Variants in AK5 observed in about 807,000 individuals in gnomAD.
The protein encoded by AK5 is adenylate kinase isoenzyme 5.
Under a neutral mutation model 69.5 loss-of-function variants are expected in AK5, and 27 were observed. The observed-to-expected ratio is 0.39, with a 90% CI of 0.29 to 0.54. AK5 has a LOEUF of 0.54. AK5 is among the 20% of genes least tolerant of loss of function. AK5 has a pLI of 0.71. For synonymous variants in AK5, 260 were observed against 244.4 expected, an observed-to-expected ratio of 1.06 and a Z score of -0.60; for missense variants, 531 against 700.4, an observed-to-expected ratio of 0.76 and a Z score of 2.73.
At chr1:77,424,719 G>A (rs1651082773) in intron 8 of AK5, among the ~76,000 whole-genome samples, 1 of 152,086 alleles carries the variant, frequency 6.6e-6, no homozygotes, top group South Asian at 2.1e-4. Flanking sequence ...TTTCAAGGCT[G>A]AAAAACAAAG....
intron 2 of AK5, among the ~76,000 whole-genome samples, chr1:77,288,584 G>A (rs562718083): frequency 3.1e-4 from 47 of 152,070 alleles, no homozygotes; most frequent in African/African-American, 9.4e-4. Flanking sequence ...GCAAAAGAAG[G>A]CAAACAGAAA....
At chr1:77,450,768 T>C (rs999719560) in intron 8 of AK5, among the ~76,000 whole-genome samples, 4 of 152,178 alleles carry the variant, frequency 2.6e-5, no homozygotes, top group Non-Finnish European at 4.4e-5. Context: ...GCAAGTTATA[T>C]AAACATATGC....
At chr1:77,470,858 TATATATATATATATA>T (rs1312727062) in intron 8 of AK5, among the ~76,000 whole-genome samples, 1,269 of 9,200 alleles carry the variant, frequency 0.14, 155 homozygotes, top group Middle Eastern at 0.2. Context: ...TATATATATA[TATATATATATATATA>T]TATTTTTTTT....
intron 12 of AK5, among the ~76,000 whole-genome samples, chr1:77,525,352 A>G (rs4949806): frequency 0.57 from 86,683 of 151,736 alleles, 26,849 homozygotes; most frequent in Non-Finnish European, 0.7. Context: ...TCGCATTGCT[A>G]TGAGGAATAC....
intron 8 of AK5, among the ~76,000 whole-genome samples, chr1:77,464,181 A>G (rs955894119): frequency 7.2e-5 from 11 of 152,130 alleles, no homozygotes; most frequent in Non-Finnish European, 1.3e-4. Context: ...GACAGTTTTA[A>G]TGGGTGAAAA....
At chr1:77,343,434 C>A (rs1471789686) in intron 6 of AK5, among the ~76,000 whole-genome samples, 2 of 152,196 alleles carry the variant, frequency 1.3e-5, no homozygotes, top group Admixed American at 6.5e-5. Flanking sequence ...AGGACTTGAT[C>A]TCTCTATCTC....
At chr1:77,291,787 A>G (rs1658703302) in intron 2 of AK5, among the ~76,000 whole-genome samples, 1 of 152,248 alleles carries the variant, frequency 6.6e-6, no homozygotes, top group African/African-American at 2.4e-5. Context: ...ATAGGAGAAG[A>G]CAAACAATGA....
intron 8 of AK5, among the ~76,000 whole-genome samples, chr1:77,429,109 A>AT (rs923587183): frequency 7.2e-5 from 11 of 152,316 alleles, no homozygotes; most frequent in African/African-American, 2.6e-4. Context: ...TCCTTTGGGT[A>AT]TATACCCAGT....
chr1:77,517,604 G>A (rs56010467), intron 10 of AK5, among the ~76,000 whole-genome samples: 27,142 of 151,892 alleles, frequency 0.18, 2,857 homozygotes, highest in South Asian at 0.38. Context: ...GCTTGATAAA[G>A]GTCAGCTATT....
chr1:77,339,876 TC>T (rs1378975539), intron 5 of AK5, among the ~76,000 whole-genome samples: 1 of 151,986 alleles, frequency 6.6e-6, no homozygotes, highest in East Asian at 1.9e-4. Context: ...CGCCTCAGCC[TC>T]CCAAAGTGCT....
intron 13 of AK5, among the ~76,000 whole-genome samples, chr1:77,555,891 T>C (rs1660072868): frequency 6.6e-6 from 1 of 152,156 alleles, no homozygotes; most frequent in East Asian, 1.9e-4. Context: ...GAAATGCTTG[T>C]TGGTTGAAAG....
intron 6 of AK5, among the ~76,000 whole-genome samples, chr1:77,383,815 T>C (rs1647817637): frequency 6.6e-6 from 1 of 152,128 alleles, no homozygotes; most frequent in African/African-American, 2.4e-5. Context: ...GCTATCAACA[T>C]TAAGAAAAAT....
At chr1:77,490,866 AT>A (rs1292061984) in intron 10 of AK5, among the ~76,000 whole-genome samples, 1 of 142,092 alleles carries the variant, frequency 7.0e-6, no homozygotes, top group East Asian at 2.1e-4. Context: ...TCCATTTTTC[AT>A]TGCCTGCCTA....
At chr1:77,471,207 T>G (rs1312858634) in intron 8 of AK5, among the ~76,000 whole-genome samples, 2 of 151,888 alleles carry the variant, frequency 1.3e-5, no homozygotes. Context: ...TTAAAGCTGG[T>G]GCCCAGGTTT....
At chr1:77,515,443 A>G (rs1025122121) in intron 10 of AK5, among the ~76,000 whole-genome samples, 2 of 152,250 alleles carry the variant, frequency 1.3e-5, no homozygotes, top group African/African-American at 2.4e-5. Context: ...CCTCATTACC[A>G]TACTAAAATT....
rs553782490 is a variant in AK5 at position 77,522,807 on chromosome 1, T to G, written c.1428+864T>G. Among the ~76,000 whole-genome samples, 33 of 152,316 alleles carry G rather than the reference T, an allele frequency of 2.2e-4. No homozygotes were observed. In the East Asian group the frequency reaches 6.4e-3, roughly 29 times the overall value. ...CCTCATTGTTAAACAAATACTGACT[T>G]GAGAACTTAAAAGAAATTCATATTT... On this transcript the variant is annotated intron_variant, in intron 12 of 13. Coordinates refer to ENST00000354567, the MANE Select transcript of AK5 (RefSeq NM_174858.3).
rs538561899 is a variant in AK5, at chr1:77,526,909, T to C, written c.1428+4966T>C. On this transcript the variant is annotated intron_variant, in intron 12 of 13. Coordinates refer to ENST00000354567, the MANE Select transcript of AK5 (RefSeq NM_174858.3). Reference sequence around the variant, plus strand: ...CTCGGTCAACAACAACAAAATTAAATTATAATCCTTATTCTTCTTTGGGGA... The same window carrying C: ...CTCGGTCAACAACAACAAAATTAAACTATAATCCTTATTCTTCTTTGGGGA... Among the ~76,000 whole-genome samples the C allele has an allele frequency of 1.2e-4, 18 of 152,196 alleles. No homozygotes were observed. The South Asian group carries it at 3.7e-3, about 32-fold the overall frequency.
intron 8 of AK5, among the ~76,000 whole-genome samples, chr1:77,425,012 AAGCC>A (rs1651099106): frequency 6.6e-6 from 1 of 152,208 alleles, no homozygotes; most frequent in Non-Finnish European, 1.5e-5. Flanking sequence ...ATCTTGAAAG[AAGCC>A]AGATTTTAAA....
In AK5 at chr1:77,483,307, T is replaced by G; in HGVS notation, c.1060-10T>G. On this transcript the variant is annotated splice_polypyrimidine_tract_variant and intron_variant, in intron 8 of 13. Coordinates refer to ENST00000354567, the MANE Select transcript of AK5 (RefSeq NM_174858.3). ...GTTATTATTATCTAATATTGTGATT[T>G]TTTTAACAGGGTGATGACCAGTTAA... The G allele has an allele frequency of 6.2e-7, 1 of 1,608,172 alleles. No individual in the cohort carries two copies. Among genetic ancestry groups the G allele is most frequent in the Non-Finnish European group, 8.5e-7 (1 of 1,174,574 alleles).
Sources: gnomAD v4.1 joint callset for allele counts (sites outside exome capture counted in the v4.1 genomes callset) on GRCh38, gnomAD v4.1.1 for gene constraint, MANE v1.5 for transcripts, NCBI Gene and HGNC (gene_info 2026-07-23, HGNC 2026-07-21) for gene names.